The following DYSF variants were observed in gnomAD, a reference collection of about 807,000 sequenced individuals.
DYSF encodes the protein dysferlin, also known as dystrophy-associated fer-1-like 1.
DYSF carries 212 observed loss-of-function variants against 274.9 expected under a neutral mutation model. The observed-to-expected ratio is 0.77, with a 90% CI of 0.69 to 0.86. The LOEUF (loss-of-function observed/expected upper bound fraction) is 0.86. Ranked by LOEUF, DYSF falls within the 40% of genes least tolerant of loss-of-function variation. The probability of loss-of-function intolerance (pLI) is 0.00; values close to 1 mark genes in which losing one functional copy is unlikely to be tolerated. For synonymous variants in DYSF, 1,091 were observed against 1,078.7 expected (o/e 1.01, Z -0.22); for missense variants, 2,666 against 2,783.2 (o/e 0.96, Z 0.95).
intron 1 of DYSF, among the ~76,000 whole-genome samples, chr2:71,480,172 A>G (rs972446034): frequency 1.3e-5 from 2 of 152,198 alleles, no homozygotes; most frequent in Admixed American, 1.3e-4. Flanking sequence ...AGATGGAATC[A>G]TATAATTTCT....
chr2:71,660,416 G>A (rs1191846888), intron 44 of DYSF, 144 bp from the exon 45 acceptor site: 2 of 720,150 alleles, frequency 2.8e-6, no homozygotes, highest in Non-Finnish European at 5.0e-6. Context: ...TGTGTGGGAG[G>A]GGGCCCTGTC....
At chr2:71,513,958 T>A (rs1480831846) in intron 7 of DYSF, 37 bp downstream of exon 7, 1 of 1,612,658 alleles carries the variant, frequency 6.2e-7, no homozygotes. Context: ...AGGCTCCTCT[T>A]CAGCCATCAG....
At chr2:71,618,600 AGGTGGTGGGTGTGGTAGAGGT>A (rs1558641366) in intron 40 of DYSF, among the ~76,000 whole-genome samples, 1 of 47,394 alleles carries the variant, frequency 2.1e-5, no homozygotes, top group Non-Finnish European at 5.4e-5. Context: ...TGTGTGGTAG[AGGTGGTGGGTGTGGTAGAGGT>A]GGTGTGTGTG....
chr2:71,508,879 A>G (rs557041191), intron 4 of DYSF, among the ~76,000 whole-genome samples: 1 of 152,064 alleles, frequency 6.6e-6, no homozygotes, highest in Non-Finnish European at 1.5e-5. Context: ...TTGAGACGGT[A>G]TGTCACTCTG....
intron 24 of DYSF, 53 bp from the exon 25 acceptor site, chr2:71,567,898 G>T: frequency 1.2e-6 from 2 of 1,605,094 alleles, no homozygotes; most frequent in Non-Finnish European, 1.7e-6. Flanking sequence ...CTCTCACTGG[G>T]ACATCCGGAT....
intron 3 of DYSF, among the ~76,000 whole-genome samples, chr2:71,493,437 C>T (rs1054521141): frequency 6.6e-6 from 1 of 152,096 alleles, no homozygotes; most frequent in Non-Finnish European, 1.5e-5. Context: ...GAATGTTCCT[C>T]ATTTGGGATG....
upstream of DYSF, among the ~76,000 whole-genome samples, chr2:71,465,048 G>A (rs76458632): frequency 6.5e-3 from 994 of 152,238 alleles, 5 homozygotes; most frequent in Non-Finnish European, 0.011. Flanking sequence ...TCCTTCAAAG[G>A]GCATTGTTGT....
intron 33 of DYSF, 50 bp downstream of exon 33, chr2:71,598,795 G>A (rs1459125427): frequency 6.3e-7 from 1 of 1,599,002 alleles, no homozygotes; most frequent in Non-Finnish European, 8.5e-7. Context: ...GGGACCATGT[G>A]CAAAGGTGGG....
chr2:71,598,155 C>T (rs1288661026), intron 32 of DYSF, among the ~76,000 whole-genome samples: 3 of 152,234 alleles, frequency 2.0e-5, no homozygotes, highest in Non-Finnish European at 4.4e-5. Context: ...AAATTGTATT[C>T]TCAGCCCCTA....
intron 16 of DYSF, among the ~76,000 whole-genome samples, chr2:71,537,381 G>T (rs939424761): frequency 6.6e-6 from 1 of 151,784 alleles, no homozygotes; most frequent in Non-Finnish European, 1.5e-5. Context: ...GAGTAGCAGG[G>T]ATTACAGGCA....
intron 42 of DYSF, among the ~76,000 whole-genome samples, chr2:71,646,058 T>C (rs372836765): frequency 1.3e-5 from 2 of 152,202 alleles, no homozygotes; most frequent in African/African-American, 4.8e-5. Flanking sequence ...CTCTGCTCTA[T>C]GGGCCTGCCT....
At chr2:71,502,872 C>G (rs1202518848) in intron 3 of DYSF, among the ~76,000 whole-genome samples, 3 of 152,110 alleles carry the variant, frequency 2.0e-5, no homozygotes, top group Non-Finnish European at 4.4e-5. Context: ...AGATACTGAC[C>G]TGGTGGACTG....
chr2:71,598,371 G>A (rs1411720121), intron 32 of DYSF, among the ~76,000 whole-genome samples, 193 bp from the exon 33 acceptor site: 2 of 152,186 alleles, frequency 1.3e-5, no homozygotes, highest in Admixed American at 6.5e-5. Context: ...TGTCCCCACC[G>A]TGGCCTCCAG....
intron 17 of DYSF, among the ~76,000 whole-genome samples, chr2:71,541,431 A>G (rs545534714): frequency 1.6e-4 from 25 of 152,276 alleles, no homozygotes; most frequent in Admixed American, 7.2e-4. Context: ...TGTTGTACAG[A>G]GCAAATTTTT....
chr2:71,656,820 T>C (rs2094782485), intron 43 of DYSF, among the ~76,000 whole-genome samples: 1 of 152,028 alleles, frequency 6.6e-6, no homozygotes, highest in Non-Finnish European at 1.5e-5. Context: ...CATGATTCAG[T>C]TACCTCCTCC....
At chr2:71,586,838 C>G (rs1558544598) in intron 30 of DYSF, among the ~76,000 whole-genome samples, 1 of 152,086 alleles carries the variant, frequency 6.6e-6, no homozygotes, top group South Asian at 2.1e-4. Flanking sequence ...CCTATGCTCA[C>G]CCTAGCCCCC....
chr2:71,501,876 A>G (rs58279746), intron 3 of DYSF, among the ~76,000 whole-genome samples: 8,173 of 152,236 alleles, frequency 0.054, 298 homozygotes, highest in East Asian at 0.12. Context: ...GCAAATATCT[A>G]GGTCCCTGAT....
At chr2:71,647,047 C>T (rs145535728) in intron 42 of DYSF, among the ~76,000 whole-genome samples, 124 of 152,158 alleles carry the variant, frequency 8.1e-4, no homozygotes, top group Admixed American at 1.4e-3. Flanking sequence ...CTTAGAAATA[C>T]TTAAAGCAAA....
At chr2:71,544,685 TCCTGA>T (rs1338834061) in intron 17 of DYSF, among the ~76,000 whole-genome samples, 6 of 152,146 alleles carry the variant, frequency 3.9e-5, no homozygotes, top group African/African-American at 1.4e-4. Flanking sequence ...GGTCTCGAAC[TCCTGA>T]CCTGAGGTGA....
Sources: gnomAD v4.1 joint callset for allele counts (sites outside exome capture counted in the v4.1 genomes callset) on GRCh38, gnomAD v4.1.1 for gene constraint, MANE v1.5 for transcripts, NCBI Gene and HGNC (gene_info 2026-07-23, HGNC 2026-07-21) for gene names.